Variants in ARHGAP21 observed in about 807,000 individuals in gnomAD.
ARHGAP21 encodes the protein rho GTPase-activating protein 21.
A neutral mutation model predicts 164.6 loss-of-function variants in ARHGAP21; 38 were observed. That is an observed-to-expected ratio of 0.23 (90% CI 0.18 to 0.30). The LOEUF is 0.30. Ranked by LOEUF, ARHGAP21 falls within the 10% of genes least tolerant of loss-of-function variation. The probability of loss-of-function intolerance (pLI) is 1.00; values close to 1 mark genes in which losing one functional copy is unlikely to be tolerated. For missense variants in ARHGAP21, 1,822 were observed against 2,370.7 expected (o/e 0.77, Z 4.81); for synonymous variants, 766 against 857.9 (o/e 0.89, Z 1.87).
Position 24,621,239 on chromosome 10 carries a change from T to C in ARHGAP21, c.656A>G (p.Glu219Gly). 6.2e-7 allele frequency: 1 copy of C among 1,613,886 alleles called. No homozygotes were observed. Among genetic ancestry groups the C allele is most frequent in the Non-Finnish European group, 8.5e-7 (1 of 1,179,858 alleles). ...CAATGATGAGTCAGGAGGAGATATT[T>C]CAACTGGCTGTGCCATGGCTGATGG... ...SAPSAMAQPVEISPPDSSLSK... is the reference protein window; with the variant it reads ...SAPSAMAQPVGISPPDSSLSK... The change falls in exon 9 of 26, where the codon GAA becomes GGA. Residue 219 changes from glutamate to glycine, a missense_variant. Transcript: ENST00000396432.
At chr10:24,697,766 A>G (rs987199078) in intron 2 of ARHGAP21, among the ~76,000 whole-genome samples, 10 of 152,174 alleles carry the variant, frequency 6.6e-5, no homozygotes, top group Non-Finnish European at 1.5e-4. Context: ...AGGCTGAGGC[A>G]GGAGAATCGC....
At chr10:24,633,363 A>G (rs1322377821) in intron 6 of ARHGAP21, 39 bp downstream of exon 6, 2 of 1,410,492 alleles carry the variant, frequency 1.4e-6, no homozygotes, top group Admixed American at 3.5e-5. Context: ...ATTGATCTAT[A>G]AAACCCATCT....
intron 2 of ARHGAP21, among the ~76,000 whole-genome samples, chr10:24,701,780 T>C (rs1239710706): frequency 2.6e-5 from 4 of 152,194 alleles, no homozygotes; most frequent in Admixed American, 2.6e-4. Flanking sequence ...ACCATGTTCA[T>C]GTTCTGATGT....
rs1360020825 is a variant in ARHGAP21 at position 24,586,070 on chromosome 10, C to T, written c.4219G>A (p.Glu1407Lys). The T allele has an allele frequency of 6.2e-7, 1 of 1,610,844 alleles. No individual in the cohort carries two copies. Among genetic ancestry groups the T allele is most frequent in the Non-Finnish European group, 8.5e-7 (1 of 1,178,980 alleles). ...WGSGKDQYSRELLVSSIFAAA... is the reference protein window; with the variant it reads ...WGSGKDQYSRKLLVSSIFAAA... The stretch of plus-strand genomic sequence containing the variant: ...GCAAAGATGGAGGACACAAGCAGTT[C>T]CCTGCTATACTGATCCTTTCCAGAT... The change falls in exon 26 of 26, where the codon GAA (glutamate) becomes AAA (lysine). Residue 1407 changes from glutamate to lysine, a missense_variant. This residue lies in a region of ARHGAP21 where 333 missense variants were observed against 383.9 expected (regional missense o/e 0.87). Coordinates refer to ENST00000396432, the MANE Select transcript of ARHGAP21 (RefSeq NM_020824.4).
At chr10:24,592,928 A>G (rs866292741) in intron 21 of ARHGAP21, among the ~76,000 whole-genome samples, 6 of 152,310 alleles carry the variant, frequency 3.9e-5, no homozygotes, top group African/African-American at 1.4e-4. Context: ...CTGAAGCTAC[A>G]TTAATTTCCA....
At chr10:24,707,219 T>G (rs574625929) in intron 2 of ARHGAP21, among the ~76,000 whole-genome samples, 6 of 152,338 alleles carry the variant, frequency 3.9e-5, no homozygotes, top group African/African-American at 1.2e-4. Flanking sequence ...AAGACAGATG[T>G]ATGACCAAGG....
At chr10:24,605,187 A>G (rs1324217661) in intron 11 of ARHGAP21, among the ~76,000 whole-genome samples, 5 of 152,180 alleles carry the variant, frequency 3.3e-5, no homozygotes, top group Non-Finnish European at 7.3e-5. Context: ...TAAACAATGG[A>G]TACGGGAAGA....
At chr10:24,719,731 A>G (rs1202940566) in intron 2 of ARHGAP21, among the ~76,000 whole-genome samples, 1 of 152,238 alleles carries the variant, frequency 6.6e-6, no homozygotes, top group Non-Finnish European at 1.5e-5. Context: ...AAAAACCTAA[A>G]TATCAGCCCA....
intron 4 of ARHGAP21, among the ~76,000 whole-genome samples, chr10:24,655,255 G>C (rs1291970236): frequency 6.6e-6 from 1 of 151,932 alleles, no homozygotes; most frequent in Non-Finnish European, 1.5e-5. Context: ...GCAACAAAAG[G>C]CAAAATTGAC....
At position 24,607,891 on chromosome 10, in the gene ARHGAP21, C is replaced by T; in HGVS notation, c.2435G>A (p.Ser812Asn). Residue 812 changes from serine to asparagine, a missense_variant, in exon 10 of 26, where the codon AGC (serine) becomes AAC (asparagine). By Grantham distance (46) the Ser-to-Asn change is conservative. Around this residue, in one of 5 missense-constraint regions of ARHGAP21, gnomAD observed 1,090 missense variants for 1,378.9 expected, o/e 0.79. Transcript: ENST00000396432. ...ASIPFIDEPT[S>N]PSIDHDIAHI... ...TGCAATATCATGATCAATGCTAGGG[C>T]TAGTTGGTTCATCTGTAAGAAAAAA... 1.9e-6 allele frequency: 3 copies of T among 1,599,186 alleles called. No homozygotes were observed. Among genetic ancestry groups the T allele is most frequent in the Non-Finnish European group, 2.6e-6 (3 of 1,173,848 alleles).
chr10:24,655,898 C>A (rs1462706095), intron 4 of ARHGAP21, among the ~76,000 whole-genome samples: 1 of 124,594 alleles, frequency 8.0e-6, no homozygotes, highest in Non-Finnish European at 1.7e-5. Context: ...CGCCTCTGCC[C>A]GGCCGAGACC....
chr10:24,603,574 CAGA>C, intron 12 of ARHGAP21, among the ~76,000 whole-genome samples: 1 of 152,122 alleles, frequency 6.6e-6, no homozygotes, highest in South Asian at 2.1e-4. Flanking sequence ...GGTGACTGTG[CAGA>C]AGGGCACCGA....
At chr10:24,594,547 G>A (rs918063713) in intron 21 of ARHGAP21, among the ~76,000 whole-genome samples, 1 of 152,188 alleles carries the variant, frequency 6.6e-6, no homozygotes, top group Non-Finnish European at 1.5e-5. Context: ...ATTTTGTTGT[G>A]TTTGACAAAG....
At chr10:24,687,872 C>T (rs920655222) in intron 2 of ARHGAP21, among the ~76,000 whole-genome samples, 2 of 152,224 alleles carry the variant, frequency 1.3e-5, no homozygotes, top group African/African-American at 4.8e-5. Context: ...TGTGGTTTCA[C>T]TATTTTGCTT....
intron 9 of ARHGAP21, among the ~76,000 whole-genome samples, chr10:24,614,664 T>C (rs2077400247): frequency 6.6e-6 from 1 of 150,762 alleles, no homozygotes; most frequent in South Asian, 2.1e-4. Flanking sequence ...ACGCCTGTAA[T>C]CCCAGCTACT....
rs752300624 is a variant in ARHGAP21 at position 24,595,195 on chromosome 10, C to T, written c.3713-5G>A. 2.3e-5 allele frequency: 37 copies of T among 1,606,280 alleles called. No homozygotes were observed. Among genetic ancestry groups the T allele is most frequent in the East Asian group, 8.9e-5 (4 of 44,708 alleles). Reference sequence around the variant, plus strand: ...CAATAAAATCAGCATATTTATCTGACGACAAGAACAATAAAACAAATTTAT... The same window carrying T: ...CAATAAAATCAGCATATTTATCTGATGACAAGAACAATAAAACAAATTTAT... On this transcript the variant is annotated splice_region_variant and splice_polypyrimidine_tract_variant and intron_variant, in intron 19 of 25. Coordinates refer to ENST00000396432, the MANE Select transcript of ARHGAP21 (RefSeq NM_020824.4).
intron 9 of ARHGAP21, among the ~76,000 whole-genome samples, chr10:24,617,636 AC>A (rs1834088959): frequency 6.6e-6 from 1 of 151,972 alleles, no homozygotes; most frequent in African/African-American, 2.4e-5. Context: ...GCTGTGTGGA[AC>A]TTTTTAAAAA....
At chr10:24,621,830 A>AATTT (rs144364170) in intron 8 of ARHGAP21, among the ~76,000 whole-genome samples, 16,334 of 152,084 alleles carry the variant, frequency 0.11, 1,653 homozygotes, top group East Asian at 0.32. Context: ...AATTAAGTCT[A>AATTT]ATTTATTTGA....
chr10:24,598,424 G>C (rs1410182881), intron 14 of ARHGAP21, among the ~76,000 whole-genome samples: 1 of 152,180 alleles, frequency 6.6e-6, no homozygotes, highest in African/African-American at 2.4e-5. Context: ...GTGGATAAAA[G>C]ATGAAAACAG....
Sources: allele counts gnomAD v4.1 joint callset (sites outside exome capture counted in the v4.1 genomes callset), GRCh38; gene constraint gnomAD v4.1.1; regional missense constraint gnomAD v4.1.1; transcripts MANE v1.5; gene names NCBI Gene and HGNC (gene_info 2026-07-23, HGNC 2026-07-21).